Variants in C5orf34 observed in about 807,000 individuals in gnomAD.
C5orf34 encodes uncharacterized protein C5orf34.
A neutral mutation model predicts 78.4 loss-of-function variants in C5orf34; 73 were observed. The observed-to-expected ratio is 0.93, with a 90% CI of 0.77 to 1.13. The LOEUF (loss-of-function observed/expected upper bound fraction) is 1.13. Ranked by LOEUF, C5orf34 falls within the 50% of genes most tolerant of loss-of-function variation. The pLI is 0.00. For synonymous variants in C5orf34, 251 were observed against 246.6 expected (o/e 1.02, Z -0.17); for missense variants, 730 against 732.7 (o/e 1.00, Z 0.04).
At chr5:43,505,704 G>C in intron 4 of C5orf34, 44 bp downstream of exon 4, 1 of 1,497,904 alleles carries the variant, frequency 6.7e-7, no homozygotes, top group Non-Finnish European at 8.9e-7. Context: ...GTTAAGACTG[G>C]TTCTGATAAA....
At chr5:43,501,212 G>A (rs1323784634) in intron 6 of C5orf34, among the ~76,000 whole-genome samples, 3 of 152,158 alleles carry the variant, frequency 2.0e-5, no homozygotes, top group Non-Finnish European at 1.5e-5. Flanking sequence ...TCAGCAATAT[G>A]ACTATGCATA....
intron 1 of C5orf34, among the ~76,000 whole-genome samples, chr5:43,510,702 C>T (rs974244437): frequency 2.0e-5 from 3 of 152,258 alleles, no homozygotes; most frequent in South Asian, 2.1e-4. Flanking sequence ...CTCGGCCTCC[C>T]GAGGTGCCGG....
chr5:43,493,065 A>G (rs1745352390), intron 8 of C5orf34, among the ~76,000 whole-genome samples, 175 bp from the exon 9 acceptor site: 1 of 152,082 alleles, frequency 6.6e-6, no homozygotes, highest in Non-Finnish European at 1.5e-5. Flanking sequence ...TTTTTCAAGC[A>G]GATTCAGTTA....
chr5:43,495,901 G>T, intron 6 of C5orf34: 3 of 1,592,510 alleles, frequency 1.9e-6, no homozygotes, highest in Non-Finnish European at 2.6e-6. Context: ...ATGCTACTGT[G>T]TCAGGGTTGT....
At chr5:43,490,543 G>C in intron 11 of C5orf34, 88 bp downstream of exon 11, 1 of 817,560 alleles carries the variant, frequency 1.2e-6, no homozygotes, top group Non-Finnish European at 2.0e-6. Flanking sequence ...TTTTTTTGGG[G>C]AAAAAAGTCT....
At chr5:43,488,115 A>G (rs1445434948) in intron 11 of C5orf34, 166 bp from the exon 12 acceptor site, 1 of 599,834 alleles carries the variant, frequency 1.7e-6, no homozygotes, top group East Asian at 2.8e-5. Flanking sequence ...AACTTGACTC[A>G]ACTGATACTT....
chr5:43,508,079 G>GAAA (rs58637292), intron 3 of C5orf34, among the ~76,000 whole-genome samples: 2 of 107,772 alleles, frequency 1.9e-5, no homozygotes, highest in African/African-American at 3.8e-5. Context: ...CTCCGTCTCA[G>GAAA]AAAAAAAAAA....
At chr5:43,492,004 C>CAAAA (rs34983529) in intron 10 of C5orf34, among the ~76,000 whole-genome samples, 32 of 85,492 alleles carry the variant, frequency 3.7e-4, no homozygotes, top group African/African-American at 1.1e-3. Flanking sequence ...AACTCTGTCT[C>CAAAA]AAAAAAAAAA....
chr5:43,513,748 C>T (rs539254511), intron 1 of C5orf34, among the ~76,000 whole-genome samples: 54 of 152,330 alleles, frequency 3.5e-4, no homozygotes, highest in African/African-American at 1.2e-3. Flanking sequence ...TTATCATCAT[C>T]AAGGTTTCAG....
At chr5:43,496,582 ATTT>A (rs70994702) in intron 6 of C5orf34, 5,060 of 425,494 alleles carry the variant, frequency 0.012, no homozygotes, top group Middle Eastern at 0.025. Context: ...GTTTTTTTTA[ATTT>A]TTTTTTTTTT....
At chr5:43,510,534 C>T (rs554727238) in intron 1 of C5orf34, among the ~76,000 whole-genome samples, 121 of 152,358 alleles carry the variant, frequency 7.9e-4, no homozygotes, top group African/African-American at 2.8e-3. Context: ...TCACTGCAAC[C>T]TCCCTGTCTG....
Position 43,486,886 on chromosome 5 carries a change from TTAA to T in C5orf34, c.*26_*28del, listed in dbSNP as rs1413957132. The stretch of plus-strand genomic sequence containing the variant: ...TCACTTGAAACAACATCCTTAAACT[TTAA>T]TAATATGTTGTAATAATTCCATTTT... On this transcript the variant is annotated 3_prime_UTR_variant, in exon 13 of 13. Transcript: ENST00000306862. 8.1e-6 allele frequency: 11 copies of T among 1,360,308 alleles called. No homozygotes were observed. The highest frequency in any genetic ancestry group is 1.7e-5 in the South Asian group (1 of 58,306). 84.3% of individuals were successfully genotyped at this position (1,360,308 alleles called of 1,614,324 possible).
chr5:43,502,322 A>C, intron 6 of C5orf34, 50 bp downstream of exon 6: 1 of 1,590,714 alleles, frequency 6.3e-7, no homozygotes, highest in Non-Finnish European at 8.6e-7. Flanking sequence ...ATTATTTAGA[A>C]AGAGCTATAC....
Position 43,506,155 on chromosome 5 carries a change from T to C in C5orf34, c.525A>G (p.Glu175=). 6.2e-7 allele frequency: 1 copy of C among 1,614,220 alleles called. No homozygotes were observed. ...NNKAPKDKLV[E]KTGKICIRGN... is the part of the protein sequence containing the mutation. ...CACGTATACAGATTTTGCCAGTTTT[T>C]TCAACTAGTTTATCTTTTGGGGCTT... Residue 175 remains glutamate (E), a synonymous_variant, in exon 4 of 13, where the codon GAA becomes GAG. Transcript: ENST00000306862.
intron 5 of C5orf34, among the ~76,000 whole-genome samples, chr5:43,502,941 T>C (rs2112310100): frequency 6.6e-6 from 1 of 152,368 alleles, no homozygotes; most frequent in Admixed American, 6.5e-5. Flanking sequence ...TAAGAAAAGA[T>C]GGCTGTACCT....
At chr5:43,493,074 T>C (rs2112275203) in intron 8 of C5orf34, among the ~76,000 whole-genome samples, 184 bp from the exon 9 acceptor site, 2 of 150,636 alleles carry the variant, frequency 1.3e-5, no homozygotes, top group South Asian at 4.2e-4. Context: ...CAGATTCAGT[T>C]ATAATATATT....
At position 43,506,243 on chromosome 5, in the gene C5orf34, T is replaced by G. The variant is rs748078749; in HGVS notation, c.437A>C (p.His146Pro). 5.0e-6 allele frequency: 8 copies of G among 1,614,090 alleles called. No homozygotes were observed. The highest frequency in any genetic ancestry group is 6.8e-6 in the Non-Finnish European group (8 of 1,180,056). Residue 146 changes from histidine to proline, a missense_variant, in exon 4 of 13, where the codon CAT becomes CCT. Physicochemically the swap from His to Pro is moderately conservative, Grantham distance 77. Transcript: ENST00000306862. ...LPRSQHEFTV[H>P]FLCKVSQKSD... is the part of the protein sequence containing the mutation. ...CTTCTGGCTAACTTTACACAAAAAATGTACTGTAAATTCATGCTGAGATCT... is the reference window on the plus strand; with the variant it reads ...CTTCTGGCTAACTTTACACAAAAAAGGTACTGTAAATTCATGCTGAGATCT...
chr5:43,490,794 C>A, intron 10 of C5orf34, 65 bp from the exon 11 acceptor site: 10 of 772,026 alleles, frequency 1.3e-5, no homozygotes, highest in East Asian at 6.0e-5. Context: ...AAATTATAAA[C>A]AAATGTAAAA....
chr5:43,504,307 A>T (rs1745888049), intron 4 of C5orf34, among the ~76,000 whole-genome samples: 2 of 152,108 alleles, frequency 1.3e-5, no homozygotes, highest in South Asian at 4.1e-4. Context: ...AAAAAAAAAA[A>T]AAAAAATTAC....
Sources: gnomAD v4.1 joint callset for allele counts (sites outside exome capture counted in the v4.1 genomes callset) on GRCh38, gnomAD v4.1.1 for gene constraint, MANE v1.5 for transcripts, NCBI Gene and HGNC (gene_info 2026-07-23, HGNC 2026-07-21) for gene names.